The following MAGI2 variants were observed in gnomAD, a reference collection of about 807,000 sequenced individuals.
MAGI2 encodes membrane associated guanylate kinase, WW and PDZ domain containing 2, also known as membrane-associated guanylate kinase, WW and PDZ domain-containing protein 2.
Under a neutral mutation model 133.3 loss-of-function variants are expected in MAGI2, and 35 were observed. The ratio of observed to expected loss-of-function variants is 0.26; its 90% CI spans 0.20 to 0.35. The LOEUF (loss-of-function observed/expected upper bound fraction) is 0.35. MAGI2 is among the 10% of genes least tolerant of loss of function. The pLI is 1.00. For synonymous variants in MAGI2, 729 were observed against 710.6 expected (o/e 1.03, Z -0.41); for missense variants, 1,636 against 1,863.4 (o/e 0.88, Z 2.25).
At chr7:78,915,344 G>A (rs1442808347) in intron 2 of MAGI2, among the ~76,000 whole-genome samples, 3 of 152,118 alleles carry the variant, frequency 2.0e-5, no homozygotes, top group Non-Finnish European at 4.4e-5. Flanking sequence ...ATACTAGGGA[G>A]AGCCTATTCA....
intron 1 of MAGI2, among the ~76,000 whole-genome samples, chr7:79,060,305 T>C (rs1428762194): frequency 6.6e-6 from 1 of 152,036 alleles, no homozygotes; most frequent in East Asian, 1.9e-4. Context: ...GAAAAGTACA[T>C]ACAATATGGC....
At position 78,019,720 on chromosome 7, in the gene MAGI2, C is replaced by T; in HGVS notation, c.3963G>A (p.Gln1321=). The T allele has an allele frequency of 3.7e-6, 6 of 1,604,394 alleles. No individual in the cohort carries two copies. Among genetic ancestry groups the T allele is most frequent in the Non-Finnish European group, 5.1e-6 (6 of 1,178,220 alleles). ...CCTCGAGCCTCGGCCGCGCGGCCCTCTGCGGACTCGCCGAGCGCTCCCTCT... is the reference window on the plus strand; with the variant it reads ...CCTCGAGCCTCGGCCGCGCGGCCCTTTGCGGACTCGCCGAGCGCTCCCTCT... ...GEQRERSASP[Q]RAARPRLEEA... Residue 1321 remains glutamine (Q), a synonymous_variant, in exon 22 of 22, where the codon CAG becomes CAA. Transcript: ENST00000354212.
chr7:78,628,783 A>T (rs1808645271), intron 2 of MAGI2, among the ~76,000 whole-genome samples: 1 of 147,252 alleles, frequency 6.8e-6, no homozygotes, highest in African/African-American at 2.5e-5. Context: ...AGTATGCATA[A>T]TATTGTCAAG....
intron 1 of MAGI2, among the ~76,000 whole-genome samples, chr7:79,378,499 A>G (rs1052295893): frequency 1.3e-5 from 2 of 151,646 alleles, no homozygotes; most frequent in African/African-American, 4.8e-5. Flanking sequence ...AATTTAAGGG[A>G]TACATGATTT....
intron 2 of MAGI2, among the ~76,000 whole-genome samples, chr7:78,977,611 G>GA (rs1463827010): frequency 6.6e-6 from 1 of 151,622 alleles, no homozygotes; most frequent in Non-Finnish European, 1.5e-5. Context: ...AAAACAGGAG[G>GA]AAATCTATGT....
chr7:79,342,157 T>C (rs1454031303), intron 1 of MAGI2, among the ~76,000 whole-genome samples: 1 of 152,182 alleles, frequency 6.6e-6, no homozygotes, highest in African/African-American at 2.4e-5. Context: ...AAATGATACA[T>C]TTAAGAGTGT....
At chr7:79,140,222 T>G (rs1320414604) in intron 1 of MAGI2, among the ~76,000 whole-genome samples, 1 of 152,234 alleles carries the variant, frequency 6.6e-6, no homozygotes, top group Non-Finnish European at 1.5e-5. Context: ...AATGGTATGG[T>G]CCAGATTTTA....
chr7:79,256,539 G>C (rs531417800), intron 1 of MAGI2, among the ~76,000 whole-genome samples: 35 of 138,844 alleles, frequency 2.5e-4, no homozygotes, highest in African/African-American at 8.6e-4. Context: ...ACCCAGGCTG[G>C]AGTGCAGTGG....
chr7:78,451,709 G>A (rs773303799), intron 6 of MAGI2, among the ~76,000 whole-genome samples: 34 of 152,248 alleles, frequency 2.2e-4, no homozygotes, highest in Non-Finnish European at 4.4e-5. Flanking sequence ...AAAGCACTGG[G>A]AATTGTCTGG....
intron 1 of MAGI2, among the ~76,000 whole-genome samples, chr7:79,200,464 A>C (rs1485542181): frequency 6.6e-6 from 1 of 150,512 alleles, no homozygotes; most frequent in Non-Finnish European, 1.5e-5. Flanking sequence ...AAAAAAAATT[A>C]GCCAGATTTG....
chr7:79,135,997 A>AAGACAGAGAGAGAG (rs1156269913), intron 1 of MAGI2, among the ~76,000 whole-genome samples: 13 of 47,224 alleles, frequency 2.8e-4, no homozygotes, highest in African/African-American at 7.3e-4. Flanking sequence ...GAAAGAAAGA[A>AAGACAGAGAGAGAG]AGAAAGAGAA....
chr7:79,121,416 T>G (rs2129544648), intron 1 of MAGI2, among the ~76,000 whole-genome samples: 1 of 152,242 alleles, frequency 6.6e-6, no homozygotes, highest in South Asian at 2.1e-4. Context: ...TTCTTTTGTT[T>G]CTTTTTTCTA....
chr7:78,986,547 T>A (rs1231255957), intron 2 of MAGI2, among the ~76,000 whole-genome samples: 1 of 151,926 alleles, frequency 6.6e-6, no homozygotes, highest in Non-Finnish European at 1.5e-5. Flanking sequence ...TACAATGGCC[T>A]TGTTGTAGAG....
intron 1 of MAGI2, among the ~76,000 whole-genome samples, chr7:79,134,624 T>C (rs541036395): frequency 6.6e-6 from 1 of 152,342 alleles, no homozygotes; most frequent in Admixed American, 6.5e-5. Context: ...CTTCCAATTA[T>C]TTTAAAATTC....
At chr7:79,028,135 C>T (rs1359487924) in intron 1 of MAGI2, among the ~76,000 whole-genome samples, 1 of 150,084 alleles carries the variant, frequency 6.7e-6, no homozygotes, top group Non-Finnish European at 1.5e-5. Context: ...TCGCTTGAAC[C>T]CGGGATGCGG....
chr7:78,037,608 C>T (rs891400646), intron 21 of MAGI2, among the ~76,000 whole-genome samples: 8 of 152,146 alleles, frequency 5.3e-5, no homozygotes, highest in Non-Finnish European at 1.2e-4. Context: ...ATTGGAGCCA[C>T]TTTGTCAGAA....
At chr7:78,834,521 A>G (rs1382981334) in intron 2 of MAGI2, among the ~76,000 whole-genome samples, 1 of 152,150 alleles carries the variant, frequency 6.6e-6, no homozygotes, top group African/African-American at 2.4e-5. Context: ...TCAGTTTTTC[A>G]TTCCTTTTTA....
rs112194271 is a variant in MAGI2, at chr7:78,057,606, C to T, written c.3706+21341G>A. Among the ~76,000 whole-genome samples, 569 of 152,180 alleles carry T rather than the reference C, an allele frequency of 3.7e-3. 2 individuals carry two copies. The highest frequency in any genetic ancestry group is 0.013 in the African/African-American group (540 of 41,508). On this transcript the variant is annotated intron_variant, in intron 21 of 21. Coordinates refer to ENST00000354212, the MANE Select transcript of MAGI2 (RefSeq NM_012301.4). ...TGCCCTGATAACTGGTGATATCAAA[C>T]CTCTTTTCTTATGCTTGTTGGCCAT...
chr7:78,070,204 TATATATATATATATACAC>T (rs1308716084), intron 21 of MAGI2, among the ~76,000 whole-genome samples: 42 of 34,946 alleles, frequency 1.2e-3, no homozygotes, highest in Non-Finnish European at 1.8e-3. Flanking sequence ...TATATATATA[TATATATATATATATACAC>T]ACACACACAC....
Sources: gnomAD v4.1 joint callset for allele counts (sites outside exome capture counted in the v4.1 genomes callset) on GRCh38, gnomAD v4.1.1 for gene constraint, MANE v1.5 for transcripts, NCBI Gene and HGNC (gene_info 2026-07-23, HGNC 2026-07-21) for gene names.